Variants in RGS7 observed in about 807,000 individuals in gnomAD.
RGS7 encodes the protein regulator of G protein signaling 7.
RGS7 carries 27 observed loss-of-function variants against 81.1 expected under a neutral mutation model. The observed-to-expected ratio is 0.33, with a 90% CI of 0.25 to 0.46. RGS7 has a LOEUF of 0.46. RGS7 is among the 20% of genes least tolerant of loss of function. RGS7 has a pLI of 1.00. For synonymous variants in RGS7, 208 were observed against 207.7 expected (o/e 1.00, Z -0.01); for missense variants, 396 against 607.4 (o/e 0.65, Z 3.66).
chr1:241,286,826 T>C (rs2078837401), intron 2 of RGS7, among the ~76,000 whole-genome samples: 2 of 152,156 alleles, frequency 1.3e-5, no homozygotes, highest in African/African-American at 4.8e-5. Context: ...AACATGCCAC[T>C]TGCAGCCCTC....
chr1:241,012,485 T>C (rs574505571), intron 3 of RGS7, among the ~76,000 whole-genome samples: 1 of 152,258 alleles, frequency 6.6e-6, no homozygotes, highest in Non-Finnish European at 1.5e-5. Context: ...TTATACATAA[T>C]AGGCAAGATT....
chr1:240,863,453 C>T (rs1442533010), intron 9 of RGS7, among the ~76,000 whole-genome samples: 3 of 151,878 alleles, frequency 2.0e-5, no homozygotes, highest in Non-Finnish European at 2.9e-5. Flanking sequence ...CCAGCCTGGG[C>T]GACAACGTGA....
chr1:240,880,078 G>T (rs1287823927), intron 6 of RGS7, among the ~76,000 whole-genome samples: 4 of 152,176 alleles, frequency 2.6e-5, no homozygotes, highest in Admixed American at 2.6e-4. Context: ...GCCTCCCTCT[G>T]TCACCCAGAC....
intron 3 of RGS7, among the ~76,000 whole-genome samples, chr1:241,010,024 G>A (rs1353500279): frequency 6.6e-6 from 1 of 152,066 alleles, no homozygotes; most frequent in East Asian, 1.9e-4. Flanking sequence ...TCATACACCG[G>A]GGCCTGTCAG....
At chr1:240,898,189 CT>C (rs1394859161) in intron 6 of RGS7, among the ~76,000 whole-genome samples, 1 of 152,054 alleles carries the variant, frequency 6.6e-6, no homozygotes, top group African/African-American at 2.4e-5. Context: ...CTTGATTAGT[CT>C]TGCTAGTGGT....
intron 2 of RGS7, among the ~76,000 whole-genome samples, chr1:241,128,240 G>A (rs2066813327): frequency 6.7e-6 from 1 of 148,608 alleles, no homozygotes; most frequent in South Asian, 2.1e-4. Context: ...TTGCGCCACT[G>A]CACTCCAGCC....
intron 6 of RGS7, among the ~76,000 whole-genome samples, chr1:240,900,514 T>C (rs1243878903): frequency 6.6e-6 from 1 of 152,158 alleles, no homozygotes; most frequent in Non-Finnish European, 1.5e-5. Context: ...CCTCTAACGG[T>C]CAGGACCCTC....
chr1:240,882,990 T>A (rs201841570), intron 6 of RGS7, among the ~76,000 whole-genome samples: 5 of 151,788 alleles, frequency 3.3e-5, no homozygotes, highest in Admixed American at 6.6e-5. Context: ...GAACATGTGG[T>A]GTTTGGTTTT....
intron 9 of RGS7, among the ~76,000 whole-genome samples, chr1:240,845,006 T>C (rs1658810135): frequency 6.6e-6 from 1 of 152,232 alleles, no homozygotes; most frequent in Non-Finnish European, 1.5e-5. Flanking sequence ...GGTATGTAAC[T>C]GATATCTTCC....
At chr1:241,033,042 G>A (rs1054729676) in intron 3 of RGS7, among the ~76,000 whole-genome samples, 2 of 152,106 alleles carry the variant, frequency 1.3e-5, no homozygotes, top group African/African-American at 4.8e-5. Flanking sequence ...TTACGGAAAA[G>A]TGGAAGTTCT....
At chr1:240,843,569 C>G (rs956892600) in intron 9 of RGS7, among the ~76,000 whole-genome samples, 1 of 152,104 alleles carries the variant, frequency 6.6e-6, no homozygotes, top group East Asian at 1.9e-4. Context: ...CCCGGCCTGA[C>G]ACATATCTTT....
downstream of RGS7, among the ~76,000 whole-genome samples, chr1:240,774,788 C>T (rs6676299): frequency 0.04 from 6,150 of 152,226 alleles, 126 homozygotes; most frequent in East Asian, 0.11. Flanking sequence ...ACAGTCGGCC[C>T]TCCTCGTCCA....
At chr1:240,798,122 T>A (rs761273001) in intron 18 of RGS7, among the ~76,000 whole-genome samples, 7 of 152,196 alleles carry the variant, frequency 4.6e-5, no homozygotes, top group Non-Finnish European at 1.0e-4. Flanking sequence ...AAAAAGGTGA[T>A]ACCTGCCTGA....
intron 3 of RGS7, among the ~76,000 whole-genome samples, chr1:241,060,118 G>C (rs1054109642): frequency 6.6e-6 from 1 of 151,962 alleles, no homozygotes; most frequent in Non-Finnish European, 1.5e-5. Flanking sequence ...TTATACATCA[G>C]CCAGAGTGAC....
chr1:241,120,127 A>T (rs149241314), intron 2 of RGS7, among the ~76,000 whole-genome samples: 1 of 152,280 alleles, frequency 6.6e-6, no homozygotes, highest in South Asian at 2.1e-4. Context: ...CCCATCCTCA[A>T]TGCAATCCCC....
intron 4 of RGS7, among the ~76,000 whole-genome samples, chr1:240,982,255 A>C (rs1685019256): frequency 6.6e-6 from 1 of 151,938 alleles, no homozygotes; most frequent in Non-Finnish European, 1.5e-5. Context: ...CCCCGACTCT[A>C]CTAAAAATAC....
At chr1:241,299,799 G>A (rs565362402) in intron 2 of RGS7, among the ~76,000 whole-genome samples, 13 of 119,404 alleles carry the variant, frequency 1.1e-4, no homozygotes, top group Admixed American at 3.1e-4. Flanking sequence ...AGGTACTCTC[G>A]TCCCAGTTTT....
chr1:240,784,577 C>T (rs1370827602), intron 18 of RGS7, among the ~76,000 whole-genome samples: 3 of 151,136 alleles, frequency 2.0e-5, no homozygotes, highest in South Asian at 2.1e-4. Flanking sequence ...ACCCGGGAGG[C>T]GGAGCTTGCA....
At chr1:241,350,589 G>A (rs73125825) in intron 2 of RGS7, among the ~76,000 whole-genome samples, 2,360 of 151,894 alleles carry the variant, frequency 0.016, 64 homozygotes, top group African/African-American at 0.054. Context: ...AAACCCAGAC[G>A]GATTAAGAAA....
Sources: allele counts gnomAD v4.1 joint callset (sites outside exome capture counted in the v4.1 genomes callset), GRCh38; gene constraint gnomAD v4.1.1; transcripts MANE v1.5; gene names NCBI Gene and HGNC (gene_info 2026-07-23, HGNC 2026-07-21).